The following MAGI1 variants were observed in gnomAD, a reference collection of about 807,000 sequenced individuals.
The protein encoded by MAGI1 is membrane-associated guanylate kinase, WW and PDZ domain-containing protein 1.
A neutral mutation model predicts 139.9 loss-of-function variants in MAGI1; 58 were observed. The observed-to-expected ratio is 0.41, with a 90% confidence interval of 0.34 to 0.52. MAGI1 has a LOEUF of 0.52. Among genes scored for constraint, MAGI1 ranks in the 20% least tolerant of loss-of-function variants. The pLI is 0.12. For synonymous variants in MAGI1, 812 were observed against 737.9 expected (o/e 1.10, Z -1.63); for missense variants, 1,874 against 1,901.6 (o/e 0.99, Z 0.27).
At chr3:65,961,341 G>C (rs1272737737) in intron 1 of MAGI1, among the ~76,000 whole-genome samples, 9 of 152,180 alleles carry the variant, frequency 5.9e-5, no homozygotes, top group Admixed American at 5.9e-4. Flanking sequence ...AATTCATTCA[G>C]TTATTCAGCC....
intron 1 of MAGI1, among the ~76,000 whole-genome samples, chr3:65,652,447 C>T (rs1048664624): frequency 3.3e-5 from 5 of 152,146 alleles, no homozygotes; most frequent in Non-Finnish European, 7.4e-5. Flanking sequence ...ATGTTAGCGG[C>T]ACCCCTGGTC....
At chr3:65,507,492 C>G (rs775108239) in intron 2 of MAGI1, among the ~76,000 whole-genome samples, 43 of 152,200 alleles carry the variant, frequency 2.8e-4, no homozygotes, top group Non-Finnish European at 5.1e-4. Context: ...TGATTTCACT[C>G]TTGGGACTCT....
chr3:65,499,805 TATA>T (rs1434490949), intron 2 of MAGI1, among the ~76,000 whole-genome samples: 3 of 152,144 alleles, frequency 2.0e-5, no homozygotes, highest in Non-Finnish European at 4.4e-5. Context: ...GTTAAATGGG[TATA>T]ATAATACTAT....
chr3:65,811,547 A>G (rs2041233717), intron 1 of MAGI1, among the ~76,000 whole-genome samples: 1 of 152,124 alleles, frequency 6.6e-6, no homozygotes, highest in African/African-American at 2.4e-5. Context: ...GGAAATGTGG[A>G]GCTATGACTG....
At chr3:65,761,666 G>A (rs187696537) in intron 1 of MAGI1, among the ~76,000 whole-genome samples, 73 of 152,204 alleles carry the variant, frequency 4.8e-4, no homozygotes, top group Admixed American at 8.5e-4. Context: ...ATCAGCCAGC[G>A]GGTTCCTCAT....
In MAGI1 at chr3:65,768,323, G is replaced by C. The variant is rs145399808; in HGVS notation, c.314-146235C>G. The stretch of plus-strand genomic sequence containing the variant: ...TAGTCCCAAATACTCAGGGGGCTGA[G>C]GCAGGAGAATTACTTGAACCCGGAA... On this transcript the variant is annotated intron_variant, in intron 1 of 22. Coordinates refer to ENST00000402939, the MANE Select transcript of MAGI1 (RefSeq NM_001033057.2). Among the ~76,000 whole-genome samples, 163 of 152,252 alleles carry C rather than the reference G, an allele frequency of 1.1e-3. 1 individual carries two copies. Among genetic ancestry groups the C allele is most frequent in the African/African-American group, 3.8e-3 (156 of 41,556 alleles).
intron 1 of MAGI1, among the ~76,000 whole-genome samples, chr3:65,926,841 C>T (rs770762706): frequency 9.9e-5 from 15 of 152,250 alleles, no homozygotes; most frequent in South Asian, 2.1e-4. Context: ...ACTAAAAGTA[C>T]AAAATTTGCT....
intron 2 of MAGI1, among the ~76,000 whole-genome samples, chr3:65,501,666 C>G (rs1470666574): frequency 6.6e-6 from 1 of 151,994 alleles, no homozygotes; most frequent in Non-Finnish European, 1.5e-5. Flanking sequence ...AAAAGTTAAA[C>G]ATAAATTTCT....
intron 1 of MAGI1, among the ~76,000 whole-genome samples, chr3:65,646,617 C>G (rs1282223528): frequency 6.6e-6 from 1 of 151,916 alleles, no homozygotes; most frequent in East Asian, 1.9e-4. Flanking sequence ...CAAGTGCCCA[C>G]AGAACATATA....
At chr3:65,426,223 C>A (rs1405709257) in intron 12 of MAGI1, among the ~76,000 whole-genome samples, 1 of 152,142 alleles carries the variant, frequency 6.6e-6, no homozygotes, top group African/African-American at 2.4e-5. Context: ...ATGAACACTG[C>A]ACAGCAGCTC....
chr3:65,866,745 T>C lies in MAGI1; in HGVS notation c.313+171251A>G, dbSNP rs540716658. ...AGGTCTAAACTTCTGTCTTCTAAGTTTGATTGTTTCCTAAGGCACTGCCAT... is the reference window on the plus strand; with the variant it reads ...AGGTCTAAACTTCTGTCTTCTAAGTCTGATTGTTTCCTAAGGCACTGCCAT... On this transcript the variant is annotated intron_variant, in intron 1 of 22. Transcript: ENST00000402939. 1.3e-4 allele frequency among the ~76,000 whole-genome samples: 20 copies of C among 152,284 alleles called. No homozygotes were observed. In the East Asian group the frequency reaches 2.5e-3, roughly 19 times the overall value.
intron 2 of MAGI1, among the ~76,000 whole-genome samples, chr3:65,547,571 C>T (rs1425664154): frequency 6.6e-6 from 1 of 152,106 alleles, no homozygotes; most frequent in Non-Finnish European, 1.5e-5. Flanking sequence ...TTGTACTGCC[C>T]ACTTTCTGCA....
At chr3:65,548,742 C>T (rs111341254) in intron 2 of MAGI1, among the ~76,000 whole-genome samples, 22,047 of 151,766 alleles carry the variant, frequency 0.15, 1,802 homozygotes, top group South Asian at 0.22. Flanking sequence ...AGGCTAGTCT[C>T]GAACTCATGA....
At chr3:65,437,019 A>G (rs1947902538) in intron 10 of MAGI1, 136 bp downstream of exon 10, 1 of 502,814 alleles carries the variant, frequency 2.0e-6, no homozygotes, top group Non-Finnish European at 3.5e-6. Flanking sequence ...TACATTTATC[A>G]TTGTTTTCAT....
intron 1 of MAGI1, among the ~76,000 whole-genome samples, chr3:65,840,445 A>ACTTT (rs1470307167): frequency 6.6e-6 from 1 of 152,184 alleles, no homozygotes; most frequent in Non-Finnish European, 1.5e-5. Context: ...TTCTATTCAT[A>ACTTT]CTTTCCTGAG....
intron 2 of MAGI1, among the ~76,000 whole-genome samples, chr3:65,517,613 G>C (rs1037487496): frequency 2.6e-5 from 4 of 152,172 alleles, no homozygotes; most frequent in African/African-American, 9.7e-5. Flanking sequence ...GTCCCCAGCA[G>C]AGGCCCTTCG....
intron 1 of MAGI1, among the ~76,000 whole-genome samples, chr3:65,967,864 T>A (rs2064832780): frequency 6.6e-6 from 1 of 152,138 alleles, no homozygotes; most frequent in Admixed American, 6.5e-5. Flanking sequence ...GGGGATTTCA[T>A]CCAGGTGAAG....
At chr3:65,887,134 A>T (rs1199345042) in intron 1 of MAGI1, among the ~76,000 whole-genome samples, 2 of 152,300 alleles carry the variant, frequency 1.3e-5, no homozygotes, top group African/African-American at 4.8e-5. Flanking sequence ...GCCATCTCAA[A>T]AAAAGATTCC....
chr3:65,527,761 A>G (rs760222497), intron 2 of MAGI1, among the ~76,000 whole-genome samples: 18 of 151,806 alleles, frequency 1.2e-4, no homozygotes, highest in Non-Finnish European at 1.9e-4. Flanking sequence ...AAAAACAAAA[A>G]TAAATTAGCC....
Sources: allele counts gnomAD v4.1 joint callset (sites outside exome capture counted in the v4.1 genomes callset), GRCh38; gene constraint gnomAD v4.1.1; transcripts MANE v1.5; gene names NCBI Gene and HGNC (gene_info 2026-07-23, HGNC 2026-07-21).